Variants in POC1B observed in about 807,000 individuals in gnomAD.
POC1B encodes POC1 centriolar protein homolog B.
Under a neutral mutation model 60.6 loss-of-function variants are expected in POC1B, and 44 were observed. That is an observed-to-expected ratio of 0.73 (90% CI 0.57 to 0.93). The LOEUF is 0.93. POC1B is among the 40% of genes least tolerant of loss of function. The pLI is 0.00. For missense variants in POC1B, 555 were observed against 572.3 expected (o/e 0.97, Z 0.31); for synonymous variants, 180 against 198.9 (o/e 0.90, Z 0.80).
the POC1B span, among the ~76,000 whole-genome samples, chr12:89,412,860 C>CTCCG: frequency 6.6e-4 from 82 of 123,600 alleles, no homozygotes; most frequent in Non-Finnish European, 1.1e-3. Flanking sequence ...TCCTTCCTCC[C>CTCCG]TCCCTTCCTT....
intron 4 of POC1B, among the ~76,000 whole-genome samples, chr12:89,475,706 G>T (rs1230779883): frequency 6.6e-6 from 1 of 152,058 alleles, no homozygotes; most frequent in Non-Finnish European, 1.5e-5. Flanking sequence ...ATAGATTTCT[G>T]ACTCTCTTAA....
intron 4 of POC1B, among the ~76,000 whole-genome samples, chr12:89,484,998 C>A (rs1035759490): frequency 3.9e-5 from 6 of 152,228 alleles, no homozygotes; most frequent in Admixed American, 2.6e-4. Flanking sequence ...CTGATTATAT[C>A]CTGACTTGGC....
intron 10 of POC1B, among the ~76,000 whole-genome samples, chr12:89,435,612 T>G (rs1266490659): frequency 6.6e-6 from 1 of 152,210 alleles, no homozygotes; most frequent in Non-Finnish European, 1.5e-5. Flanking sequence ...TGTAAAATCA[T>G]GTAGGTGTTT....
At chr12:89,456,178 GC>G (rs1882251269) in intron 10 of POC1B, among the ~76,000 whole-genome samples, 1 of 151,986 alleles carries the variant, frequency 6.6e-6, no homozygotes, top group South Asian at 2.1e-4. Context: ...ACACCACCAC[GC>G]CCGGCTAATT....
chr12:89,480,214 G>A (rs1012075020), intron 4 of POC1B, among the ~76,000 whole-genome samples: 1 of 150,932 alleles, frequency 6.6e-6, no homozygotes, highest in Non-Finnish European at 1.5e-5. Context: ...TCAACTTACC[G>A]CAGCATAGGC....
At chr12:89,509,488 C>A (rs1870068496) in intron 2 of POC1B, among the ~76,000 whole-genome samples, 2 of 152,026 alleles carry the variant, frequency 1.3e-5, no homozygotes, top group African/African-American at 4.8e-5. Context: ...ATTTAGAAAC[C>A]AATATCTGGG....
At chr12:89,406,463 T>C in the POC1B span, among the ~76,000 whole-genome samples, 1 of 152,126 alleles carries the variant, frequency 6.6e-6, no homozygotes, top group African/African-American at 2.4e-5. Context: ...TTTGGAAAGA[T>C]GTTTTCCATT....
chr12:89,434,955 T>TA, intron 10 of POC1B, among the ~76,000 whole-genome samples: 1 of 152,068 alleles, frequency 6.6e-6, no homozygotes, highest in East Asian at 1.9e-4. Flanking sequence ...ATATTTTTTC[T>TA]AAAAAAACTT....
At chr12:89,456,579 T>C (rs998228623) in intron 10 of POC1B, among the ~76,000 whole-genome samples, 1 of 152,010 alleles carries the variant, frequency 6.6e-6, no homozygotes, top group African/African-American at 2.4e-5. Flanking sequence ...GAATAAAGAG[T>C]AAGGAATTTG....
intron 10 of POC1B, among the ~76,000 whole-genome samples, chr12:89,443,231 C>A (rs906513680): frequency 2.6e-5 from 4 of 152,202 alleles, no homozygotes; most frequent in Non-Finnish European, 5.9e-5. Context: ...AGGAATTGAA[C>A]TCAGCTCTGC....
intron 2 of POC1B, among the ~76,000 whole-genome samples, chr12:89,512,514 T>C (rs1870237001): frequency 6.6e-6 from 1 of 152,156 alleles, no homozygotes; most frequent in South Asian, 2.1e-4. Flanking sequence ...ATCCCAGTGC[T>C]TCGAGAGGCC....
chr12:89,425,344 C>T lies in POC1B; in HGVS notation c.1149G>A (p.Lys383=), dbSNP rs1414322338. ...AGAAATATCCACAGGCCTCTTCACC[C>T]TTGTCTGGCAGAGTCCTACCACTGG... is the stretch of plus-strand genomic sequence containing the variant. The part of the protein sequence containing the change: ...TETSGRTLPD[K]GEEACGYFLN... The change falls in exon 11 of 12, where the codon AAG becomes AAA. Residue 383 remains lysine (K), a synonymous_variant. Coordinates refer to ENST00000313546, the MANE Select transcript of POC1B (RefSeq NM_172240.3). 1 of 1,614,104 alleles carries T rather than the reference C, an allele frequency of 6.2e-7. No individual in the cohort carries two copies. The highest frequency in any genetic ancestry group is 8.5e-7 in the Non-Finnish European group (1 of 1,179,986).
intron 2 of POC1B, among the ~76,000 whole-genome samples, chr12:89,515,676 T>C (rs571655242): frequency 1.3e-5 from 2 of 152,264 alleles, no homozygotes; most frequent in African/African-American, 4.8e-5. Flanking sequence ...CTGAGGATCT[T>C]GTCACCAGCA....
chr12:89,436,320 C>T (rs182902604), intron 10 of POC1B, among the ~76,000 whole-genome samples: 107 of 152,146 alleles, frequency 7.0e-4, no homozygotes, highest in African/African-American at 2.4e-3. Context: ...ATACTTTATA[C>T]GAAACAAAAC....
intron 6 of POC1B, 98 bp downstream of exon 6, chr12:89,471,516 A>T: frequency 4.4e-6 from 4 of 912,448 alleles, no homozygotes; most frequent in Non-Finnish European, 7.0e-6. Context: ...GCAGCCCATG[A>T]CCCCAAGTAA....
chr12:89,456,319 C>T (rs1882256913), intron 10 of POC1B, among the ~76,000 whole-genome samples: 1 of 152,100 alleles, frequency 6.6e-6, no homozygotes, highest in African/African-American at 2.4e-5. Flanking sequence ...CTGTGCCCAA[C>T]CAGTTTAAAA....
intron 2 of POC1B, chr12:89,502,315 A>C: frequency 1.9e-6 from 3 of 1,611,032 alleles, no homozygotes; most frequent in South Asian, 1.1e-5. Context: ...CAACACACCA[A>C]ATGTTCGCAG....
At chr12:89,523,391 T>C in intron 2 of POC1B, 1 of 1,614,070 alleles carries the variant, frequency 6.2e-7, no homozygotes, top group Non-Finnish European at 8.5e-7. Flanking sequence ...TATTCATCCA[T>C]CCAAACTTCT....
chr12:89,497,158 T>C lies in POC1B; in HGVS notation c.272+13A>G, dbSNP rs752540003. 6.2e-7 allele frequency: 1 copy of C among 1,609,008 alleles called. No individual in the cohort carries two copies. Among genetic ancestry groups the C allele is most frequent in the Non-Finnish European group, 8.5e-7 (1 of 1,177,490 alleles). ...AATCCAAAGGATATCAAGTGTTTCT[T>C]TGTTTCTCTTACTTATCAGGAATCC... On this transcript the variant is annotated intron_variant, in intron 3 of 11. Transcript: ENST00000313546.
Sources: allele counts gnomAD v4.1 joint callset (sites outside exome capture counted in the v4.1 genomes callset), GRCh38; gene constraint gnomAD v4.1.1; transcripts MANE v1.5; gene names NCBI Gene and HGNC (gene_info 2026-07-23, HGNC 2026-07-21).